Variants in ZC3H3 observed in about 807,000 individuals in gnomAD.
The protein encoded by ZC3H3 is zinc finger CCCH domain-containing protein 3.
Under a neutral mutation model 77.3 loss-of-function variants are expected in ZC3H3, and 36 were observed. That is an observed-to-expected ratio of 0.47 (90% CI 0.36 to 0.61). ZC3H3 has a LOEUF of 0.61. Ranked by LOEUF, ZC3H3 falls within the 20% of genes least tolerant of loss-of-function variation. ZC3H3 has a pLI of 0.00. For missense variants in ZC3H3, 1,331 were observed against 1,312.2 expected (o/e 1.01, Z -0.22); for synonymous variants, 626 against 555.2 (o/e 1.13, Z -1.79).
chr8:143,461,564 G>T (rs529913668), intron 9 of ZC3H3, among the ~76,000 whole-genome samples: 1 of 152,106 alleles, frequency 6.6e-6, no homozygotes, highest in East Asian at 1.9e-4. Context: ...GCGGACATTC[G>T]AGGCAGTATT....
chr8:143,495,349 C>G (rs1277017519), intron 4 of ZC3H3, among the ~76,000 whole-genome samples: 1 of 152,170 alleles, frequency 6.6e-6, no homozygotes, highest in Non-Finnish European at 1.5e-5. Context: ...GAGCAGGCAG[C>G]TAATCCACAG....
At chr8:143,443,089 A>G (rs1050781332) in intron 9 of ZC3H3, among the ~76,000 whole-genome samples, 2 of 152,132 alleles carry the variant, frequency 1.3e-5, no homozygotes, top group Non-Finnish European at 2.9e-5. Flanking sequence ...CCTGACCAAC[A>G]TGGTGAAACG....
chr8:143,502,020 C>A (rs572723423), intron 4 of ZC3H3, among the ~76,000 whole-genome samples: 24 of 152,346 alleles, frequency 1.6e-4, no homozygotes, highest in Middle Eastern at 3.4e-3. Flanking sequence ...GACGAGCATC[C>A]TCATAAGAGA....
In ZC3H3 at chr8:143,538,525, C is replaced by G. The variant is rs1235725912; in HGVS notation, c.842G>C (p.Gly281Ala). 7 of 1,611,816 alleles carry G rather than the reference C, an allele frequency of 4.3e-6. No homozygotes were observed. Among genetic ancestry groups the G allele is most frequent in the Non-Finnish European group, 5.9e-6 (7 of 1,179,992 alleles). Residue 281 changes from glycine (G) to alanine (A), a missense_variant, in exon 2 of 12, where the codon GGC (glycine) becomes GCC (alanine). Coordinates refer to ENST00000262577, the MANE Select transcript of ZC3H3 (RefSeq NM_015117.3). ...GGGTCCTGAGGCCGGTCTGGCGGGGCCCCCCACTGAGCCAGACGGAACTGG... is the reference window on the plus strand; with the variant it reads ...GGGTCCTGAGGCCGGTCTGGCGGGGGCCCCCACTGAGCCAGACGGAACTGG... ...DQPVPSGSVG[G>A]PARPASGPRQ...
At chr8:143,450,664 G>A (rs564095317) in intron 9 of ZC3H3, among the ~76,000 whole-genome samples, 96 of 152,272 alleles carry the variant, frequency 6.3e-4, no homozygotes, top group Non-Finnish European at 1.1e-3. Context: ...GGAGCAGGAG[G>A]TCGAGAGAGG....
chr8:143,507,824 GTCT>G lies in ZC3H3; in HGVS notation c.1634_1636del (p.Lys545del). 6.2e-7 allele frequency: 1 copy of G among 1,609,890 alleles called. No individual in the cohort carries two copies. The highest frequency in any genetic ancestry group is 1.1e-5 in the South Asian group (1 of 90,912). On this transcript the variant is annotated inframe_deletion, in exon 4 of 12. Transcript: ENST00000262577. ...CGGGGCGCTGAGAGGCGAGGCCGGC[GTCT>G]TCTTGACAATGCGGTAGCGGGTCTT...
intron 3 of ZC3H3, among the ~76,000 whole-genome samples, chr8:143,513,737 G>C (rs1029814961): frequency 6.6e-6 from 1 of 152,222 alleles, no homozygotes; most frequent in Non-Finnish European, 1.5e-5. Flanking sequence ...AGCTCTCGCT[G>C]TTCCTGGGAC....
Position 143,493,259 on chromosome 8 carries a change from T to G in ZC3H3, c.1715+14487A>C, listed in dbSNP as rs542213326. ...CCTGTGTCCTGGCCCAGATCTGCCC[T>G]GCCTGCCAGCAAGGGCTGGGGTCTA... is the stretch of plus-strand genomic sequence containing the variant. On this transcript the variant is annotated intron_variant, in intron 4 of 11. Transcript: ENST00000262577. This position sits in a 1 kb window ranked among gnomAD's most constrained non-coding sequence, Gnocchi z 4.8. Among the ~76,000 whole-genome samples the G allele has an allele frequency of 1.9e-4, 29 of 152,360 alleles. No individual in the cohort carries two copies. In the South Asian group the frequency reaches 2.1e-3, roughly 11 times the overall value.
intron 9 of ZC3H3, among the ~76,000 whole-genome samples, chr8:143,454,086 T>C (rs1057204056): frequency 2.0e-5 from 3 of 151,952 alleles, no homozygotes; most frequent in Middle Eastern, 3.4e-3. Flanking sequence ...TTTCTTTTTT[T>C]TTTTTTTTTC....
intron 4 of ZC3H3, among the ~76,000 whole-genome samples, chr8:143,488,949 T>C (rs1821122116): frequency 6.6e-6 from 1 of 152,240 alleles, no homozygotes; most frequent in South Asian, 2.1e-4. Flanking sequence ...TCAGATCCGC[T>C]GTCCATGTTT....
chr8:143,490,730 C>A (rs954448681), intron 4 of ZC3H3, among the ~76,000 whole-genome samples: 3 of 152,192 alleles, frequency 2.0e-5, no homozygotes, highest in Non-Finnish European at 4.4e-5. Flanking sequence ...GCCTGGCCAA[C>A]ATGGTGAAAC....
chr8:143,444,324 T>C (rs1819815789), intron 9 of ZC3H3, among the ~76,000 whole-genome samples: 1 of 152,148 alleles, frequency 6.6e-6, no homozygotes, highest in Non-Finnish European at 1.5e-5. Flanking sequence ...CAGTCTTCCA[T>C]GAACAAGTCC....
chr8:143,438,176 G>C (rs1757444069), intron 11 of ZC3H3, 89 bp from the exon 12 acceptor site: 4 of 1,520,042 alleles, frequency 2.6e-6, no homozygotes, highest in Non-Finnish European at 3.6e-6. Context: ...TCAGGATCGG[G>C]GGGCTCTGTC....
Position 143,530,472 on chromosome 8 carries a change from G to A in ZC3H3, c.1561+5785C>T, listed in dbSNP as rs1420814024. Among the ~76,000 whole-genome samples, 1 of 152,176 alleles carries A rather than the reference G, an allele frequency of 6.6e-6. No homozygotes were observed. Among genetic ancestry groups the A allele is most frequent in the African/African-American group, 2.4e-5 (1 of 41,436 alleles). Reference sequence around the variant, plus strand: ...AGCAGACGTTTCCATGTGGCTGGTAGGAATCCCATCACCTCCCGCCACCAA... The same window carrying A: ...AGCAGACGTTTCCATGTGGCTGGTAAGAATCCCATCACCTCCCGCCACCAA... On this transcript the variant is annotated intron_variant, in intron 3 of 11. Coordinates refer to ENST00000262577, the MANE Select transcript of ZC3H3 (RefSeq NM_015117.3). This position sits in a 1 kb window ranked among gnomAD's most constrained non-coding sequence, Gnocchi z 4.3.
In ZC3H3 at chr8:143,530,446, T is replaced by G. The variant is rs1466617240; in HGVS notation, c.1561+5811A>C. On this transcript the variant is annotated intron_variant, in intron 3 of 11. Transcript: ENST00000262577. This position sits in a 1 kb window ranked among gnomAD's most constrained non-coding sequence, Gnocchi z 4.3. ...ACCATGACTTTTCCCTGGCGTAAAA[T>G]AGCAGACGTTTCCATGTGGCTGGTA... Among the ~76,000 whole-genome samples the G allele has an allele frequency of 6.6e-6, 1 of 152,010 alleles. No homozygotes were observed. Among genetic ancestry groups the G allele is most frequent in the Non-Finnish European group, 1.5e-5 (1 of 67,972 alleles).
intron 3 of ZC3H3, among the ~76,000 whole-genome samples, chr8:143,528,978 G>A (rs1365464489): frequency 6.6e-6 from 1 of 152,230 alleles, no homozygotes; most frequent in African/African-American, 2.4e-5. Context: ...AAAACATGAG[G>A]CAGGAGGAAG....
At position 143,533,537 on chromosome 8, in the gene ZC3H3, T is replaced by C. The variant is rs1327696829; in HGVS notation, c.1561+2720A>G. 6.6e-6 allele frequency among the ~76,000 whole-genome samples: 1 copy of C among 152,158 alleles called. No homozygotes were observed. Among genetic ancestry groups the C allele is most frequent in the Non-Finnish European group, 1.5e-5 (1 of 68,030 alleles). On this transcript the variant is annotated intron_variant, in intron 3 of 11. Transcript: ENST00000262577. This position sits in a 1 kb window ranked among gnomAD's most constrained non-coding sequence, Gnocchi z 4.0. The stretch of plus-strand genomic sequence containing the variant: ...CATCATCTCTTCACCTTCACTGCAG[T>C]ATCCCCAGGAGCCGGCAGGCTGCCA...
intron 9 of ZC3H3, among the ~76,000 whole-genome samples, chr8:143,451,107 A>C: frequency 6.6e-6 from 1 of 152,152 alleles, no homozygotes; most frequent in Non-Finnish European, 1.5e-5. Context: ...GGGGCTCCTG[A>C]GAGGGAGGCC....
At position 143,440,379 on chromosome 8, in the gene ZC3H3, G is replaced by T. The variant is rs747819172; in HGVS notation, c.2493-16C>A. ...TGAAGGCTTCCTGCAGGGAAGGAAG[G>T]GGCAGACGTGTGAGGTGGGGTGACG... is the stretch of plus-strand genomic sequence containing the variant. On this transcript the variant is annotated splice_polypyrimidine_tract_variant and intron_variant, in intron 10 of 11. Transcript: ENST00000262577. 6 of 1,511,296 alleles carry T rather than the reference G, an allele frequency of 4.0e-6. No individual in the cohort carries two copies. Among genetic ancestry groups the T allele is most frequent in the Non-Finnish European group, 5.3e-6 (6 of 1,130,480 alleles). The allele number at this position is 1,511,296 out of a possible 1,614,324, so 93.6% of individuals were successfully genotyped here.
Sources: allele counts gnomAD v4.1 joint callset (sites outside exome capture counted in the v4.1 genomes callset), GRCh38; gene constraint gnomAD v4.1.1; non-coding constraint Gnocchi (gnomAD v3.1); transcripts MANE v1.5; gene names NCBI Gene and HGNC (gene_info 2026-07-23, HGNC 2026-07-21).